PINK1: variants seen among roughly 807,000 people sequenced by gnomAD.
PINK1 encodes the protein PTEN induced kinase 1, also known as serine/threonine-protein kinase PINK1, mitochondrial.
In PINK1, 58 loss-of-function variants were observed where a neutral mutation model predicts 56.0. The observed-to-expected ratio is 1.04, with a 90% CI of 0.84 to 1.29. The LOEUF is 1.29. Among genes scored for constraint, PINK1 ranks in the 50% most tolerant of loss-of-function variants. The pLI, the probability that PINK1 is intolerant of heterozygous loss-of-function variation, is 0.00. For missense variants in PINK1, 745 were observed against 777.9 expected, an observed-to-expected ratio of 0.96 and a Z score of 0.50; for synonymous variants, 354 against 339.3, an observed-to-expected ratio of 1.04 and a Z score of -0.48.
At position 20,648,525 on chromosome 1, in the gene PINK1, A is replaced by T. The variant is rs768758677; in HGVS notation, c.1144A>T (p.Ile382Phe). The change falls in exon 6 of 8, where the codon ATC becomes TTC. Residue 382 changes from isoleucine to phenylalanine, a missense_variant. By Grantham distance (21) the Ile-to-Phe change is conservative (BLOSUM62 0). Coordinates refer to ENST00000321556, the MANE Select transcript of PINK1 (RefSeq NM_032409.3). ...CCCAGACGGCTGCCCCTGGCTGGTG[A>T]TCGCAGATTTTGGCTGCTGCCTGGC... is the stretch of plus-strand genomic sequence containing the variant. ...LDPDGCPWLV[I>F]ADFGCCLADE... is the part of the protein sequence containing the mutation. The T allele has an allele frequency of 6.2e-7, 1 of 1,614,020 alleles. No individual in the cohort carries two copies. The highest frequency in any genetic ancestry group is 8.5e-7 in the Non-Finnish European group (1 of 1,180,016).
chr1:20,646,037 G>A (rs1054658235), intron 5 of PINK1, among the ~76,000 whole-genome samples: 7 of 152,094 alleles, frequency 4.6e-5, no homozygotes, highest in Non-Finnish European at 8.8e-5. Flanking sequence ...ACTTTGGGAG[G>A]CTTGCTTGAG....
At chr1:20,637,696 G>A in intron 1 of PINK1, 146 bp from the exon 2 acceptor site, 2 of 888,216 alleles carry the variant, frequency 2.3e-6, no homozygotes, top group East Asian at 2.5e-5. Context: ...CTGAGCAGTA[G>A]AACCTGGTTG....
At chr1:20,636,109 G>C (rs894021039) in intron 1 of PINK1, among the ~76,000 whole-genome samples, 1 of 151,960 alleles carries the variant, frequency 6.6e-6, no homozygotes, top group Non-Finnish European at 1.5e-5. Flanking sequence ...TGAGGCTGCA[G>C]TGAGCTGTAG....
chr1:20,650,674 TGGAGGG>T lies in PINK1; in HGVS notation c.1730_1735del (p.Trp577_Ala579delinsSer). The T allele has an allele frequency of 6.2e-7, 1 of 1,613,932 alleles. No individual in the cohort carries two copies. ...CCAGGCAGCCCTCCTCCTCTGCTCA[TGGAGGG>T]CAGCCCTGTGATGTCCCTGCATGGA... is the stretch of plus-strand genomic sequence containing the variant. On this transcript the variant is annotated inframe_deletion, in exon 8 of 8. Coordinates refer to ENST00000321556, the MANE Select transcript of PINK1 (RefSeq NM_032409.3).
In PINK1 at chr1:20,645,587, T is replaced by C; in HGVS notation, c.987T>C (p.Leu329=). ...ATCCCTGTACCCTGCGCCAGTACCT[T>C]TGTGTGAACACACCCAGCCCCCGCC... ...KNYPCTLRQY[L]CVNTPSPRLA... is the part of the protein sequence containing the mutation. Residue 329 remains leucine, a synonymous_variant, in exon 5 of 8, where the codon CTT becomes CTC. Coordinates refer to ENST00000321556, the MANE Select transcript of PINK1 (RefSeq NM_032409.3). 6.2e-7 allele frequency: 1 copy of C among 1,613,748 alleles called. No homozygotes were observed. The highest frequency in any genetic ancestry group is 8.5e-7 in the Non-Finnish European group (1 of 1,179,990).
chr1:20,647,193 A>T (rs1412328000), intron 5 of PINK1, among the ~76,000 whole-genome samples: 2 of 150,854 alleles, frequency 1.3e-5, no homozygotes, highest in Non-Finnish European at 2.9e-5. Context: ...AGTAGCTGGG[A>T]CTACAGGCGC....
At chr1:20,642,373 G>A (rs944189225) in intron 3 of PINK1, among the ~76,000 whole-genome samples, 1 of 152,188 alleles carries the variant, frequency 6.6e-6, no homozygotes, top group Admixed American at 6.5e-5. Flanking sequence ...TTTATTAGAG[G>A]AGGTTTAAGG....
chr1:20,646,677 CAATG>C (rs1457700925), intron 5 of PINK1, among the ~76,000 whole-genome samples: 9 of 151,950 alleles, frequency 5.9e-5, no homozygotes, highest in Admixed American at 5.3e-4. Context: ...ATTTTTCAAA[CAATG>C]AAAGCTGTCC....
At chr1:20,646,043 T>C (rs1000451915) in intron 5 of PINK1, among the ~76,000 whole-genome samples, 1 of 151,974 alleles carries the variant, frequency 6.6e-6, no homozygotes, top group Non-Finnish European at 1.5e-5. Flanking sequence ...GGAGGCTTGC[T>C]TGAGGATTGC....
At position 20,633,920 on chromosome 1, in the gene PINK1, C is replaced by A. The variant is rs2053023716; in HGVS notation, c.372C>A (p.Ala124=). ...CGGAGAGCCGGCGGGCGGTCTCGGC[C>A]TGTCAGGAGATCCAGGTGAGCGGGG... is the stretch of plus-strand genomic sequence containing the variant. ...KQAESRRAVS[A]CQEIQAIFTQ... is the part of the protein sequence containing the mutation. The change falls in exon 1 of 8, where the codon GCC becomes GCA. Residue 124 remains alanine (A), a synonymous_variant. Transcript: ENST00000321556. 4 of 1,582,756 alleles carry A rather than the reference C, an allele frequency of 2.5e-6. No individual in the cohort carries two copies. In the East Asian group the frequency reaches 9.3e-5, roughly 37 times the overall value.
rs146126901 is a variant in PINK1, at chr1:20,650,549, C to T, written c.1604C>T (p.Ser535Leu). The change falls in exon 8 of 8, where the codon TCG becomes TTG. Residue 535 changes from serine (S) to leucine (L), a missense_variant. Physicochemically the swap from Ser to Leu is moderately radical, Grantham distance 145. Transcript: ENST00000321556. ...DKMVGWLLQQ[S>L]AATLLANRLT... ...ATGGTTGGCTGGCTCCTCCAACAAT[C>T]GGCCGCCACTTTGTTGGCCAACAGG... 9.3e-6 allele frequency: 15 copies of T among 1,614,226 alleles called. No homozygotes were observed. Among genetic ancestry groups the T allele is most frequent in the East Asian group, 4.5e-5 (2 of 44,882 alleles).
At chr1:20,648,001 A>G (rs945159094) in intron 5 of PINK1, among the ~76,000 whole-genome samples, 2 of 150,692 alleles carry the variant, frequency 1.3e-5, no homozygotes, top group African/African-American at 2.4e-5. Flanking sequence ...TTTAGTAGAG[A>G]CAGGGGTTTC....
At chr1:20,640,049 A>G in intron 3 of PINK1, 57 bp downstream of exon 3, 2 of 1,392,858 alleles carry the variant, frequency 1.4e-6, no homozygotes, top group Non-Finnish European at 2.0e-6. Context: ...AACTTCATCC[A>G]TCACTTATGT....
In PINK1 at chr1:20,651,436, C is replaced by CT. The variant is rs2053277536; in HGVS notation, c.*746dup. ...GGGAAGAGATTTCATGTCTAACTAA[C>CT]TAACTTTATACATGATTTTTAGGAA... On this transcript the variant is annotated 3_prime_UTR_variant, in exon 8 of 8. Transcript: ENST00000321556. 1 of 152,576 alleles carries CT rather than the reference C, an allele frequency of 6.6e-6. No homozygotes were observed. The highest frequency in any genetic ancestry group is 2.1e-4 in the South Asian group (1 of 4,828). 9.5% of individuals were successfully genotyped at this position (152,576 alleles called of 1,614,324 possible).
rs513414 is a variant in PINK1 at position 20,650,872 on chromosome 1, C to G, written c.*181C>G. On this transcript the variant is annotated 3_prime_UTR_variant, in exon 8 of 8. Transcript: ENST00000321556. ...GAGTGAGAGTTCAGTCTGCAGTCCTCTGCTCACAGACATCTGAAAAGTGAA... is the reference window on the plus strand; with the variant it reads ...GAGTGAGAGTTCAGTCTGCAGTCCTGTGCTCACAGACATCTGAAAAGTGAA... The G allele has an allele frequency of 0.86, 673,815 of 779,188 alleles. 292,249 individuals carry two copies. Among genetic ancestry groups the G allele is most frequent in the Middle Eastern group, 0.91 (2,446 of 2,684 alleles). 48.3% of individuals were successfully genotyped at this position (779,188 alleles called of 1,614,324 possible).
intron 3 of PINK1, 104 bp from the exon 4 acceptor site, chr1:20,644,386 T>C: frequency 7.9e-7 from 1 of 1,262,328 alleles, no homozygotes; most frequent in Non-Finnish European, 1.2e-6. Context: ...TGATAGTAAG[T>C]GAATAATGAA....
At position 20,650,418 on chromosome 1, in the gene PINK1, T is replaced by C. The variant is rs1288375843; in HGVS notation, c.1489-16T>C. 6 of 1,613,538 alleles carry C rather than the reference T, an allele frequency of 3.7e-6. No homozygotes were observed. Among genetic ancestry groups the C allele is most frequent in the Admixed American group, 1.7e-5 (1 of 59,988 alleles). On this transcript the variant is annotated splice_polypyrimidine_tract_variant and intron_variant, in intron 7 of 7. Coordinates refer to ENST00000321556, the MANE Select transcript of PINK1 (RefSeq NM_032409.3). ...GTTAACAGATGTTCTAGCTACAGCT[T>C]CCCTTCCTGTTGCAGAGACCATCTG...
At position 20,637,926 on chromosome 1, in the gene PINK1, A is replaced by G. The variant is rs753196052; in HGVS notation, c.472A>G (p.Ile158Val). Residue 158 changes from isoleucine to valine, a missense_variant, in exon 2 of 8, where the codon ATA (isoleucine) becomes GTA (valine). Physicochemically the swap from Ile to Val is conservative, Grantham distance 29. Coordinates refer to ENST00000321556, the MANE Select transcript of PINK1 (RefSeq NM_032409.3). ...LQGFRLEEYLIGQSIGKGCSA... is the reference protein window; with the variant it reads ...LQGFRLEEYLVGQSIGKGCSA... ...GGGCTTTCGGCTGGAGGAGTATCTG[A>G]TAGGGCAGTCCATTGGTAAGGGCTG... 2.0e-5 allele frequency: 32 copies of G among 1,614,132 alleles called. No individual in the cohort carries two copies. The highest frequency in any genetic ancestry group is 2.5e-5 in the Non-Finnish European group (29 of 1,180,036).
chr1:20,634,763 G>T (rs2053039909), intron 1 of PINK1, among the ~76,000 whole-genome samples: 1 of 152,160 alleles, frequency 6.6e-6, no homozygotes, highest in African/African-American at 2.4e-5. Context: ...CTTCTTCCAG[G>T]GAGGTCACTC....
Sources: allele counts gnomAD v4.1 joint callset (sites outside exome capture counted in the v4.1 genomes callset), GRCh38; gene constraint gnomAD v4.1.1; transcripts MANE v1.5; gene names NCBI Gene and HGNC (gene_info 2026-07-23, HGNC 2026-07-21).